Variants in PCDHA1 observed in about 807,000 individuals in gnomAD.
PCDHA1 encodes protocadherin alpha 1.
Under a neutral mutation model 61.3 loss-of-function variants are expected in PCDHA1, and 42 were observed. The ratio of observed to expected loss-of-function variants is 0.69; its 90% confidence interval spans 0.54 to 0.89. The LOEUF (loss-of-function observed/expected upper bound fraction) is 0.89. Among genes scored for constraint, PCDHA1 ranks in the 40% least tolerant of loss-of-function variants. The pLI is 0.00. For synonymous variants in PCDHA1, 610 were observed against 553.8 expected (o/e 1.10, Z -1.43); for missense variants, 1,256 against 1,235.3 (o/e 1.02, Z -0.25).
intron 1 of PCDHA1, chr5:140,796,847 C>G (rs782019473): frequency 6.2e-7 from 1 of 1,614,068 alleles, no homozygotes. Context: ...GGGCTATACA[C>G]GGGTGAGATC....
chr5:140,947,987 C>G (rs1554218389), intron 1 of PCDHA1, among the ~76,000 whole-genome samples: 1 of 144,778 alleles, frequency 6.9e-6, no homozygotes, highest in African/African-American at 2.6e-5. Context: ...AGGTTTTTCC[C>G]AAATACTTTA....
chr5:140,982,416 A>C, intron 2 of PCDHA1, 59 bp from the exon 3 acceptor site: 1 of 1,610,294 alleles, frequency 6.2e-7, no homozygotes, highest in Non-Finnish European at 8.5e-7. Context: ...TGAGGGTGGA[A>C]GAAGAGATGG....
At chr5:140,867,729 A>C (rs1274161997) in intron 1 of PCDHA1, 1 of 152,106 alleles carries the variant, frequency 6.6e-6, no homozygotes, top group Non-Finnish European at 1.5e-5. Context: ...AAAGACAAAG[A>C]AAATTCAAGC....
At chr5:140,943,690 CA>C (rs2093548144) in intron 1 of PCDHA1, among the ~76,000 whole-genome samples, 1 of 151,974 alleles carries the variant, frequency 6.6e-6, no homozygotes, top group Non-Finnish European at 1.5e-5. Context: ...GGGATAAGGT[CA>C]AAATATTGTG....
At chr5:140,975,899 G>A (rs2096688066) in intron 1 of PCDHA1, among the ~76,000 whole-genome samples, 1 of 152,084 alleles carries the variant, frequency 6.6e-6, no homozygotes, top group African/African-American at 2.4e-5. Context: ...ATGGAGTTTT[G>A]TGACCATTAT....
At chr5:140,804,771 C>A in intron 1 of PCDHA1, 1 of 250,822 alleles carries the variant, frequency 4.0e-6, no homozygotes, top group Non-Finnish European at 7.6e-6. Flanking sequence ...AGTTGGACTC[C>A]CATTTAAGTT....
intron 1 of PCDHA1, among the ~76,000 whole-genome samples, chr5:140,959,041 T>C (rs1291778863): frequency 2.6e-5 from 4 of 152,118 alleles, no homozygotes; most frequent in Non-Finnish European, 5.9e-5. Flanking sequence ...GGTATGTATG[T>C]ATAGGAAAAA....
intron 1 of PCDHA1, among the ~76,000 whole-genome samples, chr5:140,907,524 C>T (rs562373233): frequency 2.6e-5 from 4 of 152,314 alleles, no homozygotes; most frequent in Non-Finnish European, 4.4e-5. Flanking sequence ...GAGGACAAAT[C>T]GCTGCCCTTT....
intron 1 of PCDHA1, chr5:140,863,388 C>T: frequency 1.0e-6 from 1 of 1,000,142 alleles, no homozygotes; most frequent in Non-Finnish European, 1.5e-6. Context: ...AGAGCTCGTG[C>T]ATGCCGGGCA....
At chr5:140,912,200 T>C (rs191284675) in intron 1 of PCDHA1, among the ~76,000 whole-genome samples, 123 of 152,280 alleles carry the variant, frequency 8.1e-4, no homozygotes, top group African/African-American at 2.8e-3. Flanking sequence ...CCCACCCAGA[T>C]TGAGGGTAGA....
intron 1 of PCDHA1, among the ~76,000 whole-genome samples, chr5:140,845,178 C>A (rs1562424606): frequency 6.7e-6 from 1 of 149,120 alleles, no homozygotes; most frequent in Non-Finnish European, 1.5e-5. Context: ...CATTTTAGTC[C>A]TTTAAAAAAT....
At chr5:140,808,591 C>T (rs1554124643) in intron 1 of PCDHA1, 1 of 1,613,990 alleles carries the variant, frequency 6.2e-7, no homozygotes. Context: ...AGGAGAACAA[C>T]CCGCCGGGCT....
At position 141,009,807 on chromosome 5, in the gene PCDHA1, T is replaced by C. The variant is rs1554262456; in HGVS notation, c.2723T>C (p.Ile908Thr). ...CGGCAGGAGCCTACTAACAGCCAAA[T>C]TGACAAAAGTGACTTCATAACCTTC... is the stretch of plus-strand genomic sequence containing the variant. ...SIRQEPTNSQIDKSDFITFGK... is the reference protein window; with the variant it reads ...SIRQEPTNSQTDKSDFITFGK... Residue 908 changes from isoleucine to threonine, a missense_variant, in exon 4 of 4, where the codon ATT (isoleucine) becomes ACT (threonine). Ile to Thr is a moderately conservative substitution (Grantham distance 89). Transcript: ENST00000504120. 9.9e-6 allele frequency: 16 copies of C among 1,613,824 alleles called. No homozygotes were observed. Among genetic ancestry groups the C allele is most frequent in the South Asian group, 1.1e-5 (1 of 91,066 alleles).
intron 1 of PCDHA1, among the ~76,000 whole-genome samples, chr5:140,923,387 G>T (rs564592920): frequency 6.6e-6 from 1 of 152,254 alleles, no homozygotes; most frequent in Admixed American, 6.5e-5. Context: ...AATTAGTTGG[G>T]CATGGTGGTG....
chr5:140,884,610 G>A (rs1554181783), intron 1 of PCDHA1: 1 of 1,614,138 alleles, frequency 6.2e-7, no homozygotes, highest in South Asian at 1.1e-5. Context: ...CCTTGTCTGG[G>A]TTCTGCAGAG....
intron 1 of PCDHA1, chr5:140,802,571 C>G (rs377430096): frequency 1.2e-5 from 20 of 1,613,792 alleles, no homozygotes; most frequent in Non-Finnish European, 1.7e-5. Flanking sequence ...TCTCGCAGTC[C>G]GAGTACACGG....
chr5:140,823,628 G>C (rs1434058728), intron 1 of PCDHA1: 10 of 1,613,936 alleles, frequency 6.2e-6, no homozygotes, highest in Non-Finnish European at 8.5e-6. Flanking sequence ...GGCAGTGCGC[G>C]CATCCCGTTC....
At chr5:140,848,532 C>G (rs2150412105) in intron 1 of PCDHA1, 1 of 1,594,974 alleles carries the variant, frequency 6.3e-7, no homozygotes, top group Non-Finnish European at 8.6e-7. Context: ...AGAGGGTCAG[C>G]CTCTACTGCT....
In PCDHA1 at chr5:140,875,574, C is replaced by T. The variant is rs368911944; in HGVS notation, c.2394+86890C>T. On this transcript the variant is annotated intron_variant, in intron 1 of 3. Coordinates refer to ENST00000504120, the MANE Select transcript of PCDHA1 (RefSeq NM_018900.4). ...TGGGGAGCGGCCAGCTCCACTACTC[C>T]GTCTACGAGGAGGCCAAACACGGCA... 7 of 1,613,978 alleles carry T rather than the reference C, an allele frequency of 4.3e-6. No homozygotes were observed. The African/African-American group carries it at 9.3e-5, about 22-fold the overall frequency.
Sources: allele counts gnomAD v4.1 joint callset (sites outside exome capture counted in the v4.1 genomes callset), GRCh38; gene constraint gnomAD v4.1.1; transcripts MANE v1.5; gene names NCBI Gene and HGNC (gene_info 2026-07-23, HGNC 2026-07-21).